The following ZFAND3 variants were observed in gnomAD, a reference collection of about 807,000 sequenced individuals.
ZFAND3 encodes zinc finger AN1-type containing 3, also known as AN1-type zinc finger protein 3.
In ZFAND3, 10 loss-of-function variants were observed where a neutral mutation model predicts 29.6. That is an observed-to-expected ratio of 0.34 (90% confidence interval 0.21 to 0.57). The LOEUF is 0.57. Ranked by LOEUF, ZFAND3 falls within the 20% of genes least tolerant of loss-of-function variation. The probability of loss-of-function intolerance (pLI) is 0.86; values close to 1 mark genes in which losing one functional copy is unlikely to be tolerated. For missense variants in ZFAND3, 230 were observed against 304.5 expected (o/e 0.76, Z 1.82); for synonymous variants, 128 against 112.6 (o/e 1.14, Z -0.87).
At chr6:38,057,323 C>A (rs1263479494) in intron 2 of ZFAND3, among the ~76,000 whole-genome samples, 2 of 152,084 alleles carry the variant, frequency 1.3e-5, no homozygotes, top group African/African-American at 4.8e-5. Context: ...CTGAGAGTTT[C>A]TTTCTTTTTG....
chr6:37,855,773 G>C (rs1764370542), intron 1 of ZFAND3, among the ~76,000 whole-genome samples: 2 of 152,098 alleles, frequency 1.3e-5, no homozygotes, highest in Admixed American at 1.3e-4. Flanking sequence ...CATGTACTTT[G>C]CATATACACA....
intron 1 of ZFAND3, among the ~76,000 whole-genome samples, chr6:37,918,951 C>CTTTTTTTT (rs66941014): frequency 0.064 from 6,640 of 103,918 alleles, 689 homozygotes; most frequent in East Asian, 0.17. Context: ...TGAAAAATGC[C>CTTTTTTTT]TTTTTTTTTT....
chr6:37,964,248 G>A (rs1317104391), intron 2 of ZFAND3, among the ~76,000 whole-genome samples: 2 of 152,170 alleles, frequency 1.3e-5, no homozygotes, highest in African/African-American at 4.8e-5. Context: ...TGTTACAGGT[G>A]CATTTACCTA....
At chr6:37,955,556 A>G (rs1472458139) in intron 2 of ZFAND3, among the ~76,000 whole-genome samples, 1 of 152,228 alleles carries the variant, frequency 6.6e-6, no homozygotes, top group African/African-American at 2.4e-5. Flanking sequence ...TAGGAAGAGA[A>G]CGGTGGGTAC....
intron 2 of ZFAND3, among the ~76,000 whole-genome samples, chr6:38,007,306 TC>T (rs1763067698): frequency 2.0e-5 from 3 of 152,156 alleles, no homozygotes; most frequent in Non-Finnish European, 2.9e-5. Context: ...ATGCCTGTAA[TC>T]CTAGCACTTT....
At chr6:38,112,834 G>T (rs1416225670) in intron 4 of ZFAND3, among the ~76,000 whole-genome samples, 6 of 152,190 alleles carry the variant, frequency 3.9e-5, no homozygotes, top group South Asian at 4.1e-4. Context: ...ATTAGCAGAG[G>T]AAATGTAAAT....
chr6:37,938,981 C>T (rs1322987733), intron 2 of ZFAND3, among the ~76,000 whole-genome samples: 3 of 152,154 alleles, frequency 2.0e-5, no homozygotes, highest in African/African-American at 7.2e-5. Flanking sequence ...GGCTTTATTT[C>T]TTCCCTCTTG....
chr6:38,139,886 C>T (rs576733538), intron 5 of ZFAND3, among the ~76,000 whole-genome samples: 1 of 152,070 alleles, frequency 6.6e-6, no homozygotes, highest in African/African-American at 2.4e-5. Flanking sequence ...ATTGCAGTAG[C>T]CCTGGAAAAA....
intron 2 of ZFAND3, among the ~76,000 whole-genome samples, chr6:37,930,440 A>T (rs1290570057): frequency 6.6e-6 from 1 of 152,186 alleles, no homozygotes; most frequent in Non-Finnish European, 1.5e-5. Flanking sequence ...CACGCCTATA[A>T]TCCCAGCACT....
chr6:37,930,700 C>T (rs561531425), intron 2 of ZFAND3, among the ~76,000 whole-genome samples: 1 of 152,102 alleles, frequency 6.6e-6, no homozygotes, highest in Non-Finnish European at 1.5e-5. Flanking sequence ...AATTATGACT[C>T]CTTCATGAAG....
intron 5 of ZFAND3, among the ~76,000 whole-genome samples, chr6:38,132,768 A>G (rs537111166): frequency 1.3e-5 from 2 of 152,210 alleles, no homozygotes; most frequent in African/African-American, 4.8e-5. Flanking sequence ...TGGAGGATGT[A>G]TGGCATCTCC....
At chr6:37,950,532 C>G (rs761247185) in intron 2 of ZFAND3, among the ~76,000 whole-genome samples, 2 of 152,022 alleles carry the variant, frequency 1.3e-5, no homozygotes, top group Non-Finnish European at 2.9e-5. Context: ...CGCCTGCCAC[C>G]GTGCCTGGCT....
intron 2 of ZFAND3, among the ~76,000 whole-genome samples, chr6:38,021,595 T>C (rs1763350819): frequency 6.6e-6 from 1 of 152,242 alleles, no homozygotes; most frequent in Admixed American, 6.5e-5. Flanking sequence ...TCTTCCTCTT[T>C]TCATGGAATT....
In ZFAND3 at chr6:38,154,470, GAA is replaced by G; in HGVS notation, c.*2084_*2085del. ...CTTAAATTCTTGTATCTTTAAAAGAGAAAATCTTATTTAACCCTTTTGTGTTC... is the reference window on the plus strand; with the variant it reads ...CTTAAATTCTTGTATCTTTAAAAGAGAATCTTATTTAACCCTTTTGTGTTC... On this transcript the variant is annotated 3_prime_UTR_variant, in exon 6 of 6. Coordinates refer to ENST00000287218, the MANE Select transcript of ZFAND3 (RefSeq NM_021943.3). The G allele has an allele frequency of 2.0e-6, 2 of 985,258 alleles. No individual in the cohort carries two copies. Among genetic ancestry groups the G allele is most frequent in the Non-Finnish European group, 2.4e-6 (2 of 829,406 alleles). The allele number at this position is 985,258 out of a possible 1,614,324, so 61.0% of individuals were successfully genotyped here.
intron 2 of ZFAND3, among the ~76,000 whole-genome samples, chr6:37,933,784 A>G (rs1175384630): frequency 6.6e-6 from 1 of 151,780 alleles, no homozygotes; most frequent in Non-Finnish European, 1.5e-5. Context: ...TTTGTTTTTT[A>G]AACTTTTTGA....
At chr6:38,065,918 T>TA (rs1764337275) in intron 3 of ZFAND3, among the ~76,000 whole-genome samples, 2 of 152,200 alleles carry the variant, frequency 1.3e-5, no homozygotes, top group Non-Finnish European at 2.9e-5. Context: ...GACACTAAGT[T>TA]AAGTGCTGAG....
chr6:38,124,304 T>G (rs1409492087), intron 5 of ZFAND3, among the ~76,000 whole-genome samples: 1 of 152,242 alleles, frequency 6.6e-6, no homozygotes, highest in Non-Finnish European at 1.5e-5. Context: ...TGGAGCTGCC[T>G]GCCAGTCCCG....
At chr6:38,079,885 A>G (rs1764626922) in intron 3 of ZFAND3, among the ~76,000 whole-genome samples, 2 of 152,164 alleles carry the variant, frequency 1.3e-5, no homozygotes, top group Non-Finnish European at 2.9e-5. Context: ...GTATTTTAAA[A>G]AATGATCCCC....
At chr6:38,020,597 T>C (rs1340077266) in intron 2 of ZFAND3, among the ~76,000 whole-genome samples, 1 of 152,216 alleles carries the variant, frequency 6.6e-6, no homozygotes, top group Non-Finnish European at 1.5e-5. Flanking sequence ...ATAAAAAATA[T>C]TTTTAAAATT....
Sources: gnomAD v4.1 joint callset for allele counts (sites outside exome capture counted in the v4.1 genomes callset) on GRCh38, gnomAD v4.1.1 for gene constraint, MANE v1.5 for transcripts, NCBI Gene and HGNC (gene_info 2026-07-23, HGNC 2026-07-21) for gene names.